The following CFAP54 variants were observed in gnomAD, a reference collection of about 807,000 sequenced individuals.
The protein encoded by CFAP54 is cilia and flagella associated protein 54.
CFAP54 carries 290 observed loss-of-function variants against 370.4 expected under a neutral mutation model. The observed-to-expected ratio is 0.78, with a 90% CI of 0.71 to 0.86. The LOEUF is 0.86. Among genes scored for constraint, CFAP54 ranks in the 40% least tolerant of loss-of-function variants. The pLI, the probability that CFAP54 is intolerant of heterozygous loss-of-function variation, is 0.00. For missense variants in CFAP54, 3,399 were observed against 3,528.7 expected (o/e 0.96, Z 0.93); for synonymous variants, 1,206 against 1,236.5 (o/e 0.98, Z 0.52).
At chr12:96,589,887 C>T (rs772816044) in intron 23 of CFAP54, among the ~76,000 whole-genome samples, 5 of 152,114 alleles carry the variant, frequency 3.3e-5, no homozygotes, top group Non-Finnish European at 5.9e-5. Flanking sequence ...GCTGGGATTA[C>T]AGGTGTGCAC....
In CFAP54 at chr12:96,506,971, T is replaced by C; in HGVS notation, c.611T>C (p.Val204Ala). The C allele has an allele frequency of 2.0e-6, 3 of 1,535,710 alleles. No individual in the cohort carries two copies. The highest frequency in any genetic ancestry group is 2.6e-6 in the Non-Finnish European group (3 of 1,146,794). Residue 204 changes from valine (V) to alanine (A), a missense_variant, in exon 4 of 68, where the codon GTC (valine) becomes GCC (alanine). Physicochemically the swap from Val to Ala is moderately conservative, Grantham distance 64 (BLOSUM62 0). Around this residue, in one of 3 missense-constraint regions of CFAP54, gnomAD observed 559 missense variants for 576.7 expected, o/e 0.97. Transcript: ENST00000524981. Reference protein sequence around the residue: ...SGKNMCNYQLVCDSDENLKNK... With the variant: ...SGKNMCNYQLACDSDENLKNK... ...AAAAATATGTGCAACTACCAGCTGG[T>C]CTGCGACAGTGATGAAAACCTGAAG...
chr12:96,588,815 G>GT (rs1027005919), intron 22 of CFAP54, among the ~76,000 whole-genome samples: 3 of 149,356 alleles, frequency 2.0e-5, no homozygotes, highest in Non-Finnish European at 3.0e-5. Flanking sequence ...AGGTAAGTCA[G>GT]TTTTTTTCTT....
At chr12:96,663,637 A>T (rs1957021771) in intron 38 of CFAP54, among the ~76,000 whole-genome samples, 193 bp from the exon 39 acceptor site, 2 of 152,204 alleles carry the variant, frequency 1.3e-5, no homozygotes, top group South Asian at 4.1e-4. Context: ...TACAAAAGAA[A>T]TATGAAAAAT....
At chr12:96,730,445 C>G (rs1196225332) in intron 50 of CFAP54, among the ~76,000 whole-genome samples, 3 of 152,108 alleles carry the variant, frequency 2.0e-5, no homozygotes, top group Non-Finnish European at 4.4e-5. Context: ...AAGAAACAAA[C>G]TGTTCAAAGA....
At chr12:96,821,838 A>G (rs989660261) in intron 65 of CFAP54, among the ~76,000 whole-genome samples, 2 of 152,198 alleles carry the variant, frequency 1.3e-5, no homozygotes, top group Non-Finnish European at 2.9e-5. Context: ...AAAAGAGATC[A>G]ATTCTGGTCT....
chr12:96,494,075 CAGAG>C (rs951740110), intron 1 of CFAP54, among the ~76,000 whole-genome samples: 2 of 151,998 alleles, frequency 1.3e-5, no homozygotes, highest in South Asian at 2.1e-4. Context: ...ACTAGCCAAA[CAGAG>C]AGGATGAATA....
chr12:96,545,326 C>T (rs753633932), intron 14 of CFAP54, among the ~76,000 whole-genome samples: 7 of 152,050 alleles, frequency 4.6e-5, no homozygotes, highest in Non-Finnish European at 8.8e-5. Flanking sequence ...CAGCAAACCA[C>T]CATGGCACGT....
At chr12:96,662,513 A>G (rs1469476868) in intron 38 of CFAP54, among the ~76,000 whole-genome samples, 1 of 152,140 alleles carries the variant, frequency 6.6e-6, no homozygotes. Flanking sequence ...CCTGTAATCT[A>G]TTCTTAATGC....
At position 96,659,180 on chromosome 12, in the gene CFAP54, GT is replaced by G. The variant is rs149411054; in HGVS notation, c.5460+835del. ...CTGGAGATAGCATCAGATCCCAGAGGTGGGGGGGTTCTGCCCCAATTTCCAA... is the reference window on the plus strand; with the variant it reads ...CTGGAGATAGCATCAGATCCCAGAGGGGGGGGGTTCTGCCCCAATTTCCAA... On this transcript the variant is annotated intron_variant, in intron 38 of 67. Coordinates refer to ENST00000524981, the MANE Select transcript of CFAP54 (RefSeq NM_001306084.2). 1.5e-3 allele frequency among the ~76,000 whole-genome samples: 234 copies of G among 152,330 alleles called. 3 individuals are homozygous for G. The East Asian group carries it at 0.042, about 28-fold the overall frequency.
At chr12:96,511,951 G>A (rs1292325663) in intron 4 of CFAP54, among the ~76,000 whole-genome samples, 3 of 152,086 alleles carry the variant, frequency 2.0e-5, no homozygotes, top group Non-Finnish European at 4.4e-5. Context: ...TAGATAAACT[G>A]CTTGTATACA....
At chr12:96,724,719 C>T (rs1217223170) in intron 50 of CFAP54, among the ~76,000 whole-genome samples, 1 of 152,136 alleles carries the variant, frequency 6.6e-6, no homozygotes, top group Non-Finnish European at 1.5e-5. Context: ...GTTGCCATTG[C>T]TATTGGTATT....
chr12:96,692,011 A>C (rs1957393496), intron 44 of CFAP54, among the ~76,000 whole-genome samples: 2 of 148,070 alleles, frequency 1.4e-5, no homozygotes, highest in Non-Finnish European at 3.0e-5. Context: ...TTGCTTCTTT[A>C]CATCTATTCT....
chr12:96,868,804 A>T (rs760608508), intron 67 of CFAP54, among the ~76,000 whole-genome samples: 1 of 152,154 alleles, frequency 6.6e-6, no homozygotes, highest in Non-Finnish European at 1.5e-5. Flanking sequence ...CTGGGAGTCA[A>T]CCATAGATTG....
At chr12:96,784,664 C>A in intron 60 of CFAP54, 53 bp from the exon 61 acceptor site, 1 of 1,249,388 alleles carries the variant, frequency 8.0e-7, no homozygotes, top group South Asian at 1.9e-5. Context: ...GATTGTTTTT[C>A]AAGGAAAGCA....
rs903537506 is a variant in CFAP54, at chr12:96,684,648, A to G, written c.5717A>G (p.Asp1906Gly). 3.1e-6 allele frequency: 5 copies of G among 1,606,486 alleles called. No individual in the cohort carries two copies. The Admixed American group carries it at 6.8e-5, about 22-fold the overall frequency. ...TTCTTTTACTTGATTAAAAATATAGATGTTCTCCAAGCCAGCAATCAAAGA... is the reference window on the plus strand; with the variant it reads ...TTCTTTTACTTGATTAAAAATATAGGTGTTCTCCAAGCCAGCAATCAAAGA... ...LLSLFLAQTQ[D>G]VLQASNQRSL... is the part of the protein sequence containing the mutation. The change falls in exon 41 of 68, where the codon GAT becomes GGT. Residue 1906 changes from aspartate to glycine, a missense_variant and splice_region_variant. Physicochemically the swap from Asp to Gly is moderately conservative, Grantham distance 94. Around this residue, in one of 3 missense-constraint regions of CFAP54, gnomAD observed 2,796 missense variants for 2,869.7 expected, o/e 0.97. Coordinates refer to ENST00000524981, the MANE Select transcript of CFAP54 (RefSeq NM_001306084.2).
rs745466328 is a variant in CFAP54, at chr12:96,538,375, T to C, written c.1792-9T>C. On this transcript the variant is annotated splice_polypyrimidine_tract_variant and intron_variant, in intron 12 of 67. Coordinates refer to ENST00000524981, the MANE Select transcript of CFAP54 (RefSeq NM_001306084.2). ...TCCTACTCATTTACCTTCTCACTTTTGTTTTTAGGATGTTCAACCTGATAA... is the reference window on the plus strand; with the variant it reads ...TCCTACTCATTTACCTTCTCACTTTCGTTTTTAGGATGTTCAACCTGATAA... 10 of 1,530,492 alleles carry C rather than the reference T, an allele frequency of 6.5e-6. No homozygotes were observed. The highest frequency in any genetic ancestry group is 7.9e-6 in the Non-Finnish European group (9 of 1,142,946). The allele number at this position is 1,530,492 out of a possible 1,614,324, so 94.8% of individuals were successfully genotyped here.
intron 67 of CFAP54, 115 bp from the exon 68 acceptor site, chr12:96,875,003 G>T (rs1343086564): frequency 1.3e-5 from 2 of 152,132 alleles, no homozygotes; most frequent in African/African-American, 4.8e-5. Flanking sequence ...GTCTGTTGAG[G>T]ACTAGCGCAG....
intron 21 of CFAP54, 70 bp from the exon 22 acceptor site, chr12:96,580,850 T>C: frequency 8.1e-7 from 1 of 1,229,324 alleles, no homozygotes; most frequent in Non-Finnish European, 1.1e-6. Flanking sequence ...GAAGGTTTAC[T>C]TAATTGTATT....
chr12:96,795,211 G>T (rs556067506), intron 63 of CFAP54, among the ~76,000 whole-genome samples: 119 of 152,106 alleles, frequency 7.8e-4, no homozygotes, highest in Non-Finnish European at 1.6e-3. Context: ...GTTTTGTGTT[G>T]GTTGGCCTCC....
Sources: gnomAD v4.1 joint callset for allele counts (sites outside exome capture counted in the v4.1 genomes callset) on GRCh38, gnomAD v4.1.1 for gene constraint, gnomAD v4.1.1 regional missense constraint, MANE v1.5 for transcripts, NCBI Gene and HGNC (gene_info 2026-07-23, HGNC 2026-07-21) for gene names.